Variants in DCC observed in about 807,000 individuals in gnomAD.
DCC encodes the protein netrin receptor DCC.
A neutral mutation model predicts 172.5 loss-of-function variants in DCC; 58 were observed. That is an observed-to-expected ratio of 0.34 (90% CI 0.27 to 0.42). DCC has a LOEUF of 0.42. Among genes scored for constraint, DCC ranks in the 10% least tolerant of loss-of-function variants. DCC has a pLI of 1.00. For synonymous variants in DCC, 709 were observed against 644.5 expected, an observed-to-expected ratio of 1.10 and a Z score of -1.52; for missense variants, 1,740 against 1,791.0, an observed-to-expected ratio of 0.97 and a Z score of 0.51.
chr18:52,659,295 G>T (rs1252139812), intron 1 of DCC, among the ~76,000 whole-genome samples: 1 of 152,034 alleles, frequency 6.6e-6, no homozygotes, highest in Non-Finnish European at 1.5e-5. Flanking sequence ...AAAATACCAT[G>T]ACACTATCCT....
intron 1 of DCC, among the ~76,000 whole-genome samples, chr18:52,641,490 C>T (rs1430298925): frequency 6.6e-6 from 1 of 152,060 alleles, no homozygotes; most frequent in African/African-American, 2.4e-5. Flanking sequence ...CATCCAGAAT[C>T]TACAATGAAC....
intron 2 of DCC, among the ~76,000 whole-genome samples, chr18:52,759,687 TAAAA>T (rs963566338): frequency 6.6e-6 from 1 of 152,114 alleles, no homozygotes; most frequent in African/African-American, 2.4e-5. Context: ...AACGTCAAGA[TAAAA>T]AAGATTCAAA....
chr18:53,372,996 TA>T (rs1187820675), intron 15 of DCC, among the ~76,000 whole-genome samples: 1 of 152,202 alleles, frequency 6.6e-6, no homozygotes, highest in African/African-American at 2.4e-5. Flanking sequence ...AACAAAAGGC[TA>T]AAGAAAGCTG....
Position 53,329,232 on chromosome 18 carries a change from C to A in DCC, c.2164+7075C>A, listed in dbSNP as rs186108095. Among the ~76,000 whole-genome samples the A allele has an allele frequency of 3.9e-5, 6 of 152,062 alleles. No individual in the cohort carries two copies. In the East Asian group the frequency reaches 1.2e-3, roughly 29 times the overall value. ...TACTAAACACATTTGTTTTAAGATC[C>A]AAACAAGCTTAAAAACTTCCTACAA... On this transcript the variant is annotated intron_variant, in intron 14 of 28. Coordinates refer to ENST00000442544, the MANE Select transcript of DCC (RefSeq NM_005215.4).
chr18:52,628,129 T>G (rs977589967), intron 1 of DCC, among the ~76,000 whole-genome samples: 1 of 152,208 alleles, frequency 6.6e-6, no homozygotes, highest in Admixed American at 6.5e-5. Flanking sequence ...ACTGTGAAAA[T>G]GGTTCACATC....
In DCC at chr18:52,793,268, AGG is replaced by A. The variant is rs1161520092; in HGVS notation, c.412+40896_412+40897del. Reference sequence around the variant, plus strand: ...ATTGTACAAGTGGCTGACAAAGAGAAGGGAAGATGGAGCCACCACCTTGAACA... The same window carrying A: ...ATTGTACAAGTGGCTGACAAAGAGAAGAAGATGGAGCCACCACCTTGAACA... On this transcript the variant is annotated intron_variant, in intron 2 of 28. Transcript: ENST00000442544. 3.3e-5 allele frequency among the ~76,000 whole-genome samples: 5 copies of A among 152,286 alleles called. No homozygotes were observed. In the South Asian group the frequency reaches 8.3e-4, roughly 25 times the overall value.
rs559802835 is a variant in DCC at position 53,191,698 on chromosome 18, A to G, written c.1573+12582A>G. 3.9e-4 allele frequency among the ~76,000 whole-genome samples: 59 copies of G among 152,324 alleles called. 1 individual carries two copies. The highest frequency in any genetic ancestry group is 1.3e-3 in the African/African-American group (56 of 41,570). On this transcript the variant is annotated intron_variant, in intron 9 of 28. Transcript: ENST00000442544. ...TGGTTAAATTTAACTCTTCTCAAAT[A>G]ACTGTTTCTAAAAGTTATCTAAATA... is the stretch of plus-strand genomic sequence containing the variant.
At chr18:52,408,755 T>C (rs1986743570) in intron 1 of DCC, among the ~76,000 whole-genome samples, 1 of 152,144 alleles carries the variant, frequency 6.6e-6, no homozygotes. Context: ...AACTCATCAT[T>C]GTATTAACTA....
chr18:52,986,234 A>C (rs1248920750), intron 5 of DCC, among the ~76,000 whole-genome samples: 1 of 152,194 alleles, frequency 6.6e-6, no homozygotes, highest in Non-Finnish European at 1.5e-5. Context: ...GAATGACTTA[A>C]GTCTCATTCC....
intron 12 of DCC, among the ~76,000 whole-genome samples, chr18:53,292,904 G>A (rs2057022842): frequency 6.6e-6 from 1 of 152,100 alleles, no homozygotes; most frequent in Non-Finnish European, 1.5e-5. Flanking sequence ...AAAGTGACTT[G>A]ATTACTTAAT....
chr18:52,413,923 C>T (rs574729527), intron 1 of DCC, among the ~76,000 whole-genome samples: 1 of 152,084 alleles, frequency 6.6e-6, no homozygotes, highest in Non-Finnish European at 1.5e-5. Context: ...AGATGCTCTG[C>T]AAATAGAATG....
chr18:53,295,699 T>TAAA (rs2057058246), intron 12 of DCC, among the ~76,000 whole-genome samples: 1 of 152,168 alleles, frequency 6.6e-6, no homozygotes, highest in East Asian at 1.9e-4. Flanking sequence ...ATCCTCTGAG[T>TAAA]GTTTCCATTT....
intron 5 of DCC, among the ~76,000 whole-genome samples, chr18:53,023,335 A>AT (rs1402446448): frequency 1.4e-5 from 2 of 143,892 alleles, no homozygotes; most frequent in African/African-American, 2.5e-5. Context: ...TTAGAGTATA[A>AT]TAAAAAAAAA....
rs1345848354 is a variant in DCC at position 53,178,976 on chromosome 18, A to G, written c.1433A>G (p.Asn478Ser). The G allele has an allele frequency of 6.2e-7, 1 of 1,614,048 alleles. No homozygotes were observed. ...REGDNRERAL[N>S]TTQPGSLQLT... ...TGATTTCTCAGGGAACGAGCATTGA[A>G]TACAACACAGCCTGGGTCCCTTCAG... Residue 478 changes from asparagine to serine, a missense_variant, in exon 9 of 29, where the codon AAT becomes AGT. Transcript: ENST00000442544.
At chr18:53,006,401 A>C (rs1403035700) in intron 5 of DCC, among the ~76,000 whole-genome samples, 1 of 152,242 alleles carries the variant, frequency 6.6e-6, no homozygotes, top group Non-Finnish European at 1.5e-5. Context: ...AAGGGTATAC[A>C]TTCTTAACTA....
intron 5 of DCC, among the ~76,000 whole-genome samples, chr18:52,980,454 C>T (rs969774408): frequency 6.6e-6 from 1 of 152,050 alleles, no homozygotes; most frequent in Non-Finnish European, 1.5e-5. Flanking sequence ...ATGATTTTCC[C>T]TCTTTTCTTT....
chr18:52,846,850 GA>G (rs1177908471), intron 2 of DCC, among the ~76,000 whole-genome samples: 1 of 152,122 alleles, frequency 6.6e-6, no homozygotes, highest in Non-Finnish European at 1.5e-5. Flanking sequence ...ATATTCACCA[GA>G]AATCTGTGCA....
chr18:52,371,196 GGTATTTTTATTTAT>G (rs1360494521), intron 1 of DCC, among the ~76,000 whole-genome samples: 2 of 152,106 alleles, frequency 1.3e-5, no homozygotes, highest in Non-Finnish European at 2.9e-5. Flanking sequence ...TCTTGAAACT[GGTATTTTTATTTAT>G]GTATTTTTAT....
chr18:53,035,727 G>A (rs891798945), intron 5 of DCC, among the ~76,000 whole-genome samples: 2 of 151,960 alleles, frequency 1.3e-5, no homozygotes, highest in Admixed American at 1.3e-4. Context: ...GGGGTAGTTG[G>A]CAGCCTTTAT....
Sources: allele counts gnomAD v4.1 joint callset (sites outside exome capture counted in the v4.1 genomes callset), GRCh38; gene constraint gnomAD v4.1.1; transcripts MANE v1.5; gene names NCBI Gene and HGNC (gene_info 2026-07-23, HGNC 2026-07-21).